VPS8: variants seen among roughly 807,000 people sequenced by gnomAD.
VPS8 encodes the protein VPS8 subunit of CORVET complex, also known as vacuolar protein sorting-associated protein 8 homolog.
VPS8 carries 129 observed loss-of-function variants against 216.4 expected under a neutral mutation model. The observed-to-expected ratio is 0.60, with a 90% CI of 0.52 to 0.69. VPS8 has a LOEUF of 0.69. Ranked by LOEUF, VPS8 falls within the 30% of genes least tolerant of loss-of-function variation. VPS8 has a pLI of 0.00. For synonymous variants in VPS8, 571 were observed against 565.4 expected (o/e 1.01, Z -0.14); for missense variants, 1,531 against 1,683.5 (o/e 0.91, Z 1.59).
At chr3:184,873,561 T>C (rs1320641332) in intron 21 of VPS8, among the ~76,000 whole-genome samples, 1 of 152,098 alleles carries the variant, frequency 6.6e-6, no homozygotes, top group Non-Finnish European at 1.5e-5. Flanking sequence ...TTGTTCCAGG[T>C]CACAAAGCTA....
chr3:184,847,515 G>A (rs890524540), intron 8 of VPS8, among the ~76,000 whole-genome samples: 4 of 152,316 alleles, frequency 2.6e-5, no homozygotes, highest in East Asian at 3.9e-4. Context: ...AGGTCATAGT[G>A]TAATAGGGGA....
intron 25 of VPS8, among the ~76,000 whole-genome samples, chr3:184,910,128 A>ATTTTTTTTTTTTTTTTTTTTTTTTTTTT (rs10707371): frequency 2.3e-5 from 2 of 87,262 alleles, no homozygotes; most frequent in African/African-American, 4.5e-5. Context: ...AGATTCTCCT[A>ATTTTTTTTTTTTTTTTTTTTTTTTTTTT]TTTTTTTTTT....
chr3:184,944,867 T>C (rs898985600), intron 36 of VPS8, among the ~76,000 whole-genome samples: 4 of 152,192 alleles, frequency 2.6e-5, no homozygotes, highest in Non-Finnish European at 5.9e-5. Context: ...AGTGTTGCTG[T>C]GGATATTTTT....
intron 25 of VPS8, among the ~76,000 whole-genome samples, chr3:184,901,600 A>G (rs1164028054): frequency 6.6e-6 from 1 of 151,928 alleles, no homozygotes; most frequent in Admixed American, 6.6e-5. Flanking sequence ...TAGTCTTTAC[A>G]TAGTTTCCCC....
chr3:184,914,792 C>G, intron 26 of VPS8, among the ~76,000 whole-genome samples, 189 bp from the exon 27 acceptor site: 2 of 152,214 alleles, frequency 1.3e-5, no homozygotes, highest in East Asian at 3.8e-4. Context: ...TACCTCACCT[C>G]CATATCTGTT....
intron 16 of VPS8, 42 bp downstream of exon 16, chr3:184,863,109 G>T: frequency 6.3e-7 from 1 of 1,597,566 alleles, no homozygotes; most frequent in South Asian, 1.1e-5. Flanking sequence ...AAAATACTTT[G>T]ATAAACTTGG....
chr3:184,938,966 G>A (rs577847561), intron 35 of VPS8, among the ~76,000 whole-genome samples: 1 of 150,062 alleles, frequency 6.7e-6, no homozygotes, highest in Non-Finnish European at 1.5e-5. Flanking sequence ...GGAGGTTGAG[G>A]CCGCAGTGAG....
At position 184,996,248 on chromosome 3, in the gene VPS8, C is replaced by G. The variant is rs144464546; in HGVS notation, c.3667-84C>G. On this transcript the variant is annotated intron_variant, in intron 43 of 47. Transcript: ENST00000625842. ...TAGCTGTTGGTAGTTGAAAACTAAA[C>G]AAGTGCTATTCACCATTCATCTCCT... is the stretch of plus-strand genomic sequence containing the variant. 1.9e-3 allele frequency: 2,699 copies of G among 1,419,668 alleles called. 18 individuals carry two copies. The highest frequency in any genetic ancestry group is 0.013 in the African/African-American group (915 of 69,970). 87.9% of individuals were successfully genotyped at this position (1,419,668 alleles called of 1,614,324 possible).
At chr3:184,940,697 C>T (rs1560782378) in intron 36 of VPS8, among the ~76,000 whole-genome samples, 1 of 152,104 alleles carries the variant, frequency 6.6e-6, no homozygotes, top group Non-Finnish European at 1.5e-5. Flanking sequence ...TAAACAACTT[C>T]CTGATGGTGT....
chr3:185,000,560 C>T (rs1301376847), intron 45 of VPS8, among the ~76,000 whole-genome samples: 8 of 151,856 alleles, frequency 5.3e-5, no homozygotes, highest in Admixed American at 5.2e-4. Context: ...TTGGCCTTCA[C>T]ATTCACATCA....
intron 36 of VPS8, chr3:184,944,579 A>G (rs1743342477): frequency 3.0e-6 from 3 of 985,278 alleles, no homozygotes; most frequent in South Asian, 4.7e-5. Context: ...CATAAGGAGT[A>G]AAGAGAATGT....
At chr3:185,044,393 G>A (rs1712375705) in intron 46 of VPS8, among the ~76,000 whole-genome samples, 1 of 152,192 alleles carries the variant, frequency 6.6e-6, no homozygotes, top group South Asian at 2.1e-4. Context: ...TACCTACCTC[G>A]TAGGGTTTTT....
chr3:184,964,354 C>A, intron 37 of VPS8, 114 bp from the exon 38 acceptor site: 1 of 536,358 alleles, frequency 1.9e-6, no homozygotes, highest in Non-Finnish European at 3.0e-6. Context: ...AAATATCATA[C>A]TAATAAGGTA....
chr3:184,826,722 T>G (rs1208983330), intron 3 of VPS8, among the ~76,000 whole-genome samples: 3 of 152,272 alleles, frequency 2.0e-5, no homozygotes, highest in African/African-American at 7.2e-5. Flanking sequence ...ACCACTGATA[T>G]TCAAATAGCT....
At chr3:184,904,738 TTCTC>T (rs1735174782) in intron 25 of VPS8, among the ~76,000 whole-genome samples, 1 of 152,310 alleles carries the variant, frequency 6.6e-6, no homozygotes, top group South Asian at 2.1e-4. Flanking sequence ...TTGGGAAGTA[TTCTC>T]TCTTTTATTT....
intron 38 of VPS8, among the ~76,000 whole-genome samples, 199 bp downstream of exon 38, chr3:184,964,756 A>G (rs1432272127): frequency 1.3e-5 from 2 of 152,186 alleles, no homozygotes; most frequent in African/African-American, 2.4e-5. Context: ...ACAACAGTAA[A>G]AAAAAGTCAT....
chr3:184,824,773 C>T lies in VPS8; in HGVS notation c.141C>T (p.Phe47=). 1.2e-6 allele frequency: 2 copies of T among 1,608,716 alleles called. No homozygotes were observed. The highest frequency in any genetic ancestry group is 1.7e-6 in the Non-Finnish European group (2 of 1,177,264). Residue 47 remains phenylalanine (F), a synonymous_variant, in exon 2 of 48, where the codon TTC becomes TTT. Transcript: ENST00000625842. ...SYIDMDKELE[F]KNDLIDDKEF... ...TAGATATGGACAAGGAACTGGAGTT[C>T]AAAAATGATCTGGTAAAAATTTCAA...
chr3:184,907,787 CTA>C (rs1735756868), intron 25 of VPS8, among the ~76,000 whole-genome samples: 1 of 152,166 alleles, frequency 6.6e-6, no homozygotes, highest in Non-Finnish European at 1.5e-5. Flanking sequence ...CACTTTAATC[CTA>C]TCAGTTCCTG....
In VPS8 at chr3:184,970,163, C is replaced by T. The variant is rs528168126; in HGVS notation, c.3317-1486C>T. ...TGACCTCAGGGTGATCCACCCACTT[C>T]GGCCTCCCAAAGTGCTGGGATTACA... On this transcript the variant is annotated intron_variant, in intron 39 of 47. Transcript: ENST00000625842. 7.3e-4 allele frequency among the ~76,000 whole-genome samples: 111 copies of T among 152,152 alleles called. 2 individuals carry two copies. Among genetic ancestry groups the T allele is most frequent in the African/African-American group, 2.6e-3 (106 of 41,522 alleles).
Sources: gnomAD v4.1 joint callset for allele counts (sites outside exome capture counted in the v4.1 genomes callset) on GRCh38, gnomAD v4.1.1 for gene constraint, MANE v1.5 for transcripts, NCBI Gene and HGNC (gene_info 2026-07-23, HGNC 2026-07-21) for gene names.